SLC25A6: variants seen among roughly 807,000 people sequenced by gnomAD.
SLC25A6 encodes the protein ADP/ATP translocase 3.
A neutral mutation model predicts 25.7 loss-of-function variants in SLC25A6; 9 were observed. The ratio of observed to expected loss-of-function variants is 0.35; its 90% confidence interval spans 0.21 to 0.61. The LOEUF (loss-of-function observed/expected upper bound fraction) is 0.61. SLC25A6 is among the 20% of genes least tolerant of loss of function. The probability of loss-of-function intolerance (pLI) is 0.76; values close to 1 mark genes in which losing one functional copy is unlikely to be tolerated. For missense variants in SLC25A6, 404 were observed against 440.5 expected (o/e 0.92, Z 0.74); for synonymous variants, 223 against 197.0 (o/e 1.13, Z -1.11).
In SLC25A6 at chrX:1,389,548, C is replaced by G. The variant is rs374917258; in HGVS notation, c.291G>C (p.Gln97His). 2 of 1,614,228 alleles carry G rather than the reference C, an allele frequency of 1.2e-6. No homozygotes were observed. The highest frequency in any genetic ancestry group is 2.7e-5 in the African/African-American group (2 of 75,070). ...GCTTGTCCACGCCCCCCAGGAAGAT[C>G]TGCTTGTACTTATCCTTGAAGGCGA... is the stretch of plus-strand genomic sequence containing the variant. Reference protein sequence around the residue: ...LNFAFKDKYKQIFLGGVDKHT... With the variant: ...LNFAFKDKYKHIFLGGVDKHT... Residue 97 changes from glutamine (Q) to histidine (H), a missense_variant, in exon 2 of 4, where the codon CAG (glutamine) becomes CAC (histidine). Physicochemically the swap from Gln to His is conservative, Grantham distance 24. Coordinates refer to ENST00000381401, the MANE Select transcript of SLC25A6 (RefSeq NM_001636.4).
At chrX:1,388,090 A>G (rs147920728) in intron 2 of SLC25A6, among the ~76,000 whole-genome samples, 1,628 of 149,558 alleles carry the variant, frequency 0.011, 27 homozygotes, top group African/African-American at 0.038. Context: ...AGGAGCCTGA[A>G]ATGGACTAAG....
At chrX:1,388,799 A>C (rs1237622964) in intron 2 of SLC25A6, among the ~76,000 whole-genome samples, 1 of 151,732 alleles carries the variant, frequency 6.6e-6, no homozygotes, top group Non-Finnish European at 1.5e-5. Context: ...ACATCTCATA[A>C]CAAGAGGAGA....
At chrX:1,389,814 C>T in intron 1 of SLC25A6, 87 bp from the exon 2 acceptor site, 10 of 1,552,982 alleles carry the variant, frequency 6.4e-6, no homozygotes, top group Non-Finnish European at 7.8e-6. Context: ...TTTTTTGACA[C>T]AAGTCACTCT....
At position 1,389,260 on chromosome X, in the gene SLC25A6, G is replaced by T. The variant is rs755284878; in HGVS notation, c.579C>A (p.Gly193=). 3.7e-6 allele frequency: 6 copies of T among 1,613,592 alleles called. No individual in the cohort carries two copies. The highest frequency in any genetic ancestry group is 5.1e-6 in the Non-Finnish European group (6 of 1,179,706). ...ACGTACCCTTGGCCGTATCGTACACGCCGAAGTAGGCCGCCCGGTAGATGA... is the reference window on the plus strand; with the variant it reads ...ACGTACCCTTGGCCGTATCGTACACTCCGAAGTAGGCCGCCCGGTAGATGA... ...GIIIYRAAYF[G]VYDTAKGMLP... is the part of the protein sequence containing the mutation. The change falls in exon 2 of 4, where the codon GGC becomes GGA. Residue 193 remains glycine, a synonymous_variant. Transcript: ENST00000381401.
rs1383656460 is a variant in SLC25A6, at chrX:1,390,907, C to T, written c.111+992G>A. Among the ~76,000 whole-genome samples, 13 of 151,296 alleles carry T rather than the reference C, an allele frequency of 8.6e-5. No homozygotes were observed. In the East Asian group the frequency reaches 9.7e-4, roughly 11 times the overall value. ...GATCCTCCCTGGGCCTCTCAAAGTG[C>T]GGGGACACCCCGCCTGCTAAGTTTT... On this transcript the variant is annotated intron_variant, in intron 1 of 3. Transcript: ENST00000381401.
chrX:1,386,999 G>C (rs1235131536), intron 3 of SLC25A6, among the ~76,000 whole-genome samples: 1 of 152,076 alleles, frequency 6.6e-6, no homozygotes, highest in African/African-American at 2.4e-5. Context: ...CTCCACCCCG[G>C]GGTCCATGCA....
At chrX:1,390,087 C>T (rs1375163518) in intron 1 of SLC25A6, 1 of 309,912 alleles carries the variant, frequency 3.2e-6, no homozygotes, top group African/African-American at 2.1e-5. Flanking sequence ...TCTCACCTCA[C>T]TGCAGCCTCC....
At position 1,389,687 on chromosome X, in the gene SLC25A6, T is replaced by C; in HGVS notation, c.152A>G (p.Tyr51Cys). 6.2e-7 allele frequency: 1 copy of C among 1,613,666 alleles called. No homozygotes were observed. The highest frequency in any genetic ancestry group is 8.5e-7 in the Non-Finnish European group (1 of 1,179,794). Residue 51 changes from tyrosine (Y) to cysteine (C), a missense_variant, in exon 2 of 4, where the codon TAC (tyrosine) becomes TGC (cysteine). Physicochemically the swap from Tyr to Cys is radical, Grantham distance 194 (BLOSUM62 -2). Transcript: ENST00000381401. ...ASKQIAADKQ[Y>C]KGIVDCIVRI... ...GACAATGCAGTCCACGATGCCCTTG[T>C]ACTGCTTGTCGGCGGCGATCTGCTT...
In SLC25A6 at chrX:1,391,909, A is replaced by T. The variant is rs757435216; in HGVS notation, c.101T>A (p.Leu34Gln). The T allele has an allele frequency of 1.2e-6, 2 of 1,606,398 alleles. No homozygotes were observed. The highest frequency in any genetic ancestry group is 1.7e-6 in the Non-Finnish European group (2 of 1,177,940). Residue 34 changes from leucine (L) to glutamine (Q), a missense_variant, in exon 1 of 4, where the codon CTG becomes CAG. Coordinates refer to ENST00000381401, the MANE Select transcript of SLC25A6 (RefSeq NM_001636.4). ...TAVAPIERVK[L>Q]LLQVQHASKQ... ...CGCCCGCGTCCCCACCTGCAGCAGC[A>T]GCTTGACCCGCTCGATCGGAGCCAC...
intron 2 of SLC25A6, among the ~76,000 whole-genome samples, chrX:1,388,882 A>C (rs1433631846): frequency 1.3e-5 from 2 of 148,810 alleles, no homozygotes; most frequent in African/African-American, 4.9e-5. Context: ...CAAGCCTAGG[A>C]GAGAGGCCGC....
intron 2 of SLC25A6, 51 bp from the exon 3 acceptor site, chrX:1,387,470 G>A: frequency 6.2e-7 from 1 of 1,601,326 alleles, no homozygotes; most frequent in Non-Finnish European, 8.5e-7. Flanking sequence ...GGCCACCCGA[G>A]ACCAGGGTCG....
rs1434680375 is a variant in SLC25A6, at chrX:1,386,685, TG to T, written c.813del (p.Phe271LeufsTer27). ...CGCAGGACGTTGGACCACGCACCCT[TG>T]AAGAAGGCCTTGCCCCCCTCATCTC... is the stretch of plus-strand genomic sequence containing the variant. ...IFRDEGGKAF[F>X]KGAWSNVLRG... is the part of the protein sequence containing the mutation. On this transcript the variant is annotated frameshift_variant, in exon 4 of 4. Coordinates refer to ENST00000381401, the MANE Select transcript of SLC25A6 (RefSeq NM_001636.4). LOFTEE classifies it high-confidence loss of function. 6.2e-7 allele frequency: 1 copy of T among 1,613,136 alleles called. No individual in the cohort carries two copies. The highest frequency in any genetic ancestry group is 8.5e-7 in the Non-Finnish European group (1 of 1,179,458).
chrX:1,387,619 C>T (rs1395887369), intron 2 of SLC25A6, among the ~76,000 whole-genome samples, 200 bp from the exon 3 acceptor site: 2 of 152,160 alleles, frequency 1.3e-5, no homozygotes, highest in African/African-American at 4.8e-5. Context: ...GGGAAAAGGC[C>T]GCCTGCCACC....
intron 2 of SLC25A6, 23 bp downstream of exon 2, chrX:1,389,218 T>A (rs777096800): frequency 6.2e-7 from 1 of 1,603,368 alleles, no homozygotes; most frequent in Non-Finnish European, 8.5e-7. Context: ...TCTCTGGGAC[T>A]TCGCGATGGC....
Position 1,392,052 on chromosome X carries a change from G to T in SLC25A6, c.-43C>A. Reference sequence around the variant, plus strand: ...CGGAACGGGAGGACAGCCGGAGAACGGGCGCGGAGAGTGAATGGAGGGCGT... The same window carrying T: ...CGGAACGGGAGGACAGCCGGAGAACTGGCGCGGAGAGTGAATGGAGGGCGT... On this transcript the variant is annotated 5_prime_UTR_variant, in exon 1 of 4. Transcript: ENST00000381401. 1.4e-6 allele frequency: 2 copies of T among 1,477,146 alleles called. No individual in the cohort carries two copies. Among genetic ancestry groups the T allele is most frequent in the East Asian group, 2.4e-5 (1 of 42,516 alleles). 91.5% of individuals were successfully genotyped at this position (1,477,146 alleles called of 1,614,324 possible).
rs1306241156 is a variant in SLC25A6, at chrX:1,386,257, G to A, written c.*345C>T. ...CAGGGGCTAGCGCTGAAGTACAAAT[G>A]GGAAAACGTGATTCTTTTGTTTTAA... On this transcript the variant is annotated 3_prime_UTR_variant, in exon 4 of 4. Transcript: ENST00000381401. 3.8e-6 allele frequency: 1 copy of A among 265,860 alleles called. No homozygotes were observed. The highest frequency in any genetic ancestry group is 7.1e-6 in the Non-Finnish European group (1 of 141,844). 16.5% of individuals were successfully genotyped at this position (265,860 alleles called of 1,614,324 possible).
chrX:1,386,409 G>T lies in SLC25A6; in HGVS notation c.*193C>A. On this transcript the variant is annotated 3_prime_UTR_variant, in exon 4 of 4. Coordinates refer to ENST00000381401, the MANE Select transcript of SLC25A6 (RefSeq NM_001636.4). ...CCCTCCCACCCCGTGATCAAGACAC[G>T]GAATCGGCTGCCGATGGTTGGATCG... 2 of 674,120 alleles carry T rather than the reference G, an allele frequency of 3.0e-6. No homozygotes were observed. The highest frequency in any genetic ancestry group is 2.2e-6 in the Non-Finnish European group (1 of 445,782). 41.8% of individuals were successfully genotyped at this position (674,120 alleles called of 1,614,324 possible). A position where few individuals can be genotyped will look rare whatever the true frequency, so the allele number is the denominator to read the frequency against.
chrX:1,387,159 C>T (rs2089335921), intron 3 of SLC25A6, 120 bp downstream of exon 3: 1 of 1,275,882 alleles, frequency 7.8e-7, no homozygotes, highest in Non-Finnish European at 1.1e-6. Flanking sequence ...TTCGGACACA[C>T]TTGCTTGTCT....
chrX:1,387,127 C>T, intron 3 of SLC25A6, 152 bp downstream of exon 3: 1 of 1,001,866 alleles, frequency 1.0e-6, no homozygotes, highest in Non-Finnish European at 1.5e-6. Context: ...TCAGGAAAAT[C>T]CTTCCACACA....
Sources: allele counts gnomAD v4.1 joint callset (sites outside exome capture counted in the v4.1 genomes callset), GRCh38; gene constraint gnomAD v4.1.1; transcripts MANE v1.5; gene names NCBI Gene and HGNC (gene_info 2026-07-23, HGNC 2026-07-21).